Variants in COL23A1 observed in about 807,000 individuals in gnomAD.
The protein encoded by COL23A1 is collagen alpha-1(XXIII) chain.
COL23A1 carries 97 observed loss-of-function variants against 99.3 expected under a neutral mutation model. That is an observed-to-expected ratio of 0.98 (90% confidence interval 0.83 to 1.16). The LOEUF is 1.16. Among genes scored for constraint, COL23A1 ranks in the 50% most tolerant of loss-of-function variants. The pLI is 0.00. For missense variants in COL23A1, 762 were observed against 757.4 expected (o/e 1.01, Z -0.07); for synonymous variants, 320 against 308.2 (o/e 1.04, Z -0.40).
chr5:178,529,286 C>G (rs1362068647), intron 2 of COL23A1, among the ~76,000 whole-genome samples: 1 of 152,256 alleles, frequency 6.6e-6, no homozygotes, highest in Non-Finnish European at 1.5e-5. Context: ...TTGTATCACA[C>G]TTGCTAGTGT....
chr5:178,276,383 G>A (rs1379527083), intron 5 of COL23A1, among the ~76,000 whole-genome samples: 1 of 152,220 alleles, frequency 6.6e-6, no homozygotes. Context: ...TCCTGTGAGG[G>A]AACGGAGCCC....
Position 178,258,262 on chromosome 5 carries a change from T to TACATACACAC in COL23A1, c.730-696_730-695insGTGTGTATGT, listed in dbSNP as rs1554126957. ...ATATATATATATATATATATATATA[T>TACATACACAC]ACACATGCAAATCAATTCTAGGCAC... On this transcript the variant is annotated intron_variant, in intron 12 of 28. Transcript: ENST00000390654. Among the ~76,000 whole-genome samples the TACATACACAC allele has an allele frequency of 1.2e-4, 13 of 104,066 alleles. 2 individuals are homozygous for TACATACACAC. The highest frequency in any genetic ancestry group is 2.5e-4 in the Non-Finnish European group (11 of 44,836). The allele number at this position is 104,066 out of a possible 152,430, so 68.3% of individuals were successfully genotyped here.
At chr5:178,261,783 A>T in intron 10 of COL23A1, 35 bp from the exon 11 acceptor site, 1 of 1,561,666 alleles carries the variant, frequency 6.4e-7, no homozygotes, top group South Asian at 1.1e-5. Flanking sequence ...TAAATGTCAT[A>T]CTGGAGGCTG....
At chr5:178,463,541 T>A (rs1756243593) in intron 2 of COL23A1, among the ~76,000 whole-genome samples, 1 of 152,110 alleles carries the variant, frequency 6.6e-6, no homozygotes, top group Admixed American at 6.5e-5. Flanking sequence ...CCCCCGCACT[T>A]TGGAAACCGC....
Position 178,440,772 on chromosome 5 carries a change from T to C in COL23A1, c.361+119910A>G, listed in dbSNP as rs540009800. On this transcript the variant is annotated intron_variant, in intron 2 of 28. Transcript: ENST00000390654. ...CTAAGATTACAGGTGCCCGCCACCA[T>C]GCCCAGCTAATTTTTTATATTTTTA... Among the ~76,000 whole-genome samples, 15 of 152,176 alleles carry C rather than the reference T, an allele frequency of 9.9e-5. No homozygotes were observed. In the South Asian group the frequency reaches 3.1e-3, roughly 32 times the overall value.
chr5:178,567,211 AAGTTCTACAAAC>A (rs1762881117), intron 1 of COL23A1, among the ~76,000 whole-genome samples: 1 of 152,234 alleles, frequency 6.6e-6, no homozygotes, highest in Non-Finnish European at 1.5e-5. Flanking sequence ...GTCTGCAGAG[AAGTTCTACAAAC>A]AGTCATACCC....
intron 2 of COL23A1, among the ~76,000 whole-genome samples, chr5:178,402,199 T>C (rs1407127608): frequency 2.0e-5 from 3 of 152,132 alleles, no homozygotes; most frequent in Non-Finnish European, 4.4e-5. Flanking sequence ...AGTGAGTGAA[T>C]GAGTGAACTG....
chr5:178,363,302 A>T (rs558169381), intron 2 of COL23A1, among the ~76,000 whole-genome samples: 7 of 152,104 alleles, frequency 4.6e-5, no homozygotes, highest in African/African-American at 1.7e-4. Context: ...TAATTTGATC[A>T]CTGTATACAT....
At chr5:178,337,290 T>A (rs1047295298) in intron 2 of COL23A1, among the ~76,000 whole-genome samples, 1 of 152,166 alleles carries the variant, frequency 6.6e-6, no homozygotes, top group African/African-American at 2.4e-5. Context: ...GTCCCGGTGA[T>A]CCCCGGCCAG....
rs1316253927 is a variant in COL23A1 at position 178,543,479 on chromosome 5, A to G, written c.361+17203T>C. The stretch of plus-strand genomic sequence containing the variant: ...ACAGCCTGCTCAAAAGACTGGGGCC[A>G]TAGGGGTTCTTCAGGAAGAAGAAAA... On this transcript the variant is annotated intron_variant, in intron 2 of 28. Coordinates refer to ENST00000390654, the MANE Select transcript of COL23A1 (RefSeq NM_173465.4). 3.3e-5 allele frequency among the ~76,000 whole-genome samples: 5 copies of G among 152,136 alleles called. No homozygotes were observed. In the East Asian group the frequency reaches 9.6e-4, roughly 29 times the overall value.
At chr5:178,422,836 A>G (rs1765709923) in intron 2 of COL23A1, among the ~76,000 whole-genome samples, 1 of 152,226 alleles carries the variant, frequency 6.6e-6, no homozygotes. Context: ...ATAATTATAA[A>G]TAATTATAAA....
Position 178,589,992 on chromosome 5 carries a change from T to C in COL23A1, c.206A>G (p.Glu69Gly). 7.5e-7 allele frequency: 1 copy of C among 1,342,008 alleles called. No individual in the cohort carries two copies. Among genetic ancestry groups the C allele is most frequent in the South Asian group, 1.9e-5 (1 of 53,688 alleles). The allele number at this position is 1,342,008 out of a possible 1,614,324, so 83.1% of individuals were successfully genotyped here. The part of the protein sequence containing the change: ...AALQGRVAAL[E>G]EERELLRRAG... ...GCGCCGCAGCAGCTCCCGCTCCTCC[T>C]CGAGCGCCGCCACCCGGCCCTGCAG... The change falls in exon 1 of 29, where the codon GAG becomes GGG. Residue 69 changes from glutamate to glycine, a missense_variant. By Grantham distance (98) the Glu-to-Gly change is moderately conservative. Transcript: ENST00000390654. The surrounding 1 kb of genome is among the most constrained non-coding windows in gnomAD (Gnocchi z 5.4).
At chr5:178,357,796 A>ATG (rs72411503) in intron 2 of COL23A1, among the ~76,000 whole-genome samples, 1 of 127,932 alleles carries the variant, frequency 7.8e-6, no homozygotes, top group Non-Finnish European at 1.7e-5. Context: ...GTGTGTGTGT[A>ATG]TGTGTGTGTG....
chr5:178,498,945 T>G (rs965211226), intron 2 of COL23A1, among the ~76,000 whole-genome samples: 2 of 150,540 alleles, frequency 1.3e-5, no homozygotes, highest in African/African-American at 4.9e-5. Context: ...AAAAAATTAA[T>G]CAGACATGGT....
chr5:178,377,338 G>A (rs1763126112), intron 2 of COL23A1, among the ~76,000 whole-genome samples: 1 of 151,514 alleles, frequency 6.6e-6, no homozygotes, highest in African/African-American at 2.5e-5. Flanking sequence ...CCTTTTCCAA[G>A]GGAAGGCATG....
In COL23A1 at chr5:178,552,725, A is replaced by ATT. The variant is rs1420383667; in HGVS notation, c.361+7955_361+7956dup. 1.1e-4 allele frequency among the ~76,000 whole-genome samples: 13 copies of ATT among 113,616 alleles called. 1 individual carries two copies. In the South Asian group the frequency reaches 3.4e-3, roughly 30 times the overall value. 74.5% of individuals were successfully genotyped at this position (113,616 alleles called of 152,430 possible). A position where few individuals can be genotyped will look rare whatever the true frequency, so the allele number is the denominator to read the frequency against. On this transcript the variant is annotated intron_variant, in intron 2 of 28. Coordinates refer to ENST00000390654, the MANE Select transcript of COL23A1 (RefSeq NM_173465.4). ...AAAAATTAAAAAAAAAAAAAAAAAA[A>ATT]TTTTTTTCAGACAGAGTCTCACTCT...
chr5:178,324,695 C>T (rs1373121619), intron 2 of COL23A1, among the ~76,000 whole-genome samples: 6 of 152,208 alleles, frequency 3.9e-5, no homozygotes, highest in Non-Finnish European at 1.5e-5. Context: ...GCCACAAGCG[C>T]GCACCCAGCC....
intron 8 of COL23A1, among the ~76,000 whole-genome samples, chr5:178,267,082 G>C (rs550054707): frequency 6.6e-6 from 1 of 152,340 alleles, no homozygotes; most frequent in East Asian, 1.9e-4. Flanking sequence ...GGTAAGCATG[G>C]AGACCTGGCC....
In COL23A1 at chr5:178,309,739, C is replaced by T. The variant is rs1192016533; in HGVS notation, c.362-2820G>A. ...GCATCATCCTGCCCCAGCCCCCAAC[C>T]TGGACCCCTTCCTTCTCAGCATCAG... is the stretch of plus-strand genomic sequence containing the variant. On this transcript the variant is annotated intron_variant, in intron 2 of 28. Coordinates refer to ENST00000390654, the MANE Select transcript of COL23A1 (RefSeq NM_173465.4). This position sits in a 1 kb window ranked among gnomAD's most constrained non-coding sequence, Gnocchi z 4.7. Among the ~76,000 whole-genome samples, 2 of 151,776 alleles carry T rather than the reference C, an allele frequency of 1.3e-5. No individual in the cohort carries two copies. The highest frequency in any genetic ancestry group is 4.8e-5 in the African/African-American group (2 of 41,280).
Sources: gnomAD v4.1 joint callset for allele counts (sites outside exome capture counted in the v4.1 genomes callset) on GRCh38, gnomAD v4.1.1 for gene constraint, Gnocchi (gnomAD v3.1) non-coding constraint, MANE v1.5 for transcripts, NCBI Gene and HGNC (gene_info 2026-07-23, HGNC 2026-07-21) for gene names.